The following SKI variants were observed in gnomAD, a reference collection of about 807,000 sequenced individuals.
The protein encoded by SKI is SKI proto-oncogene.
In SKI, 23 loss-of-function variants were observed where a neutral mutation model predicts 59.3. The ratio of observed to expected loss-of-function variants is 0.39; its 90% CI spans 0.28 to 0.55. The LOEUF (loss-of-function observed/expected upper bound fraction) is 0.55, where lower values mean the gene tolerates loss of function less well. Ranked by LOEUF, SKI falls within the 20% of genes least tolerant of loss-of-function variation. The pLI, the probability that SKI is intolerant of heterozygous loss-of-function variation, is 0.67. For synonymous variants in SKI, 673 were observed against 488.6 expected (o/e 1.38, Z -4.98); for missense variants, 1,017 against 1,038.9 (o/e 0.98, Z 0.29).
chr1:2,250,714 C>T (rs1347290742), intron 1 of SKI, among the ~76,000 whole-genome samples: 3 of 152,256 alleles, frequency 2.0e-5, no homozygotes, highest in Non-Finnish European at 2.9e-5. Context: ...GTCTGGGAAG[C>T]TGGCTCCCCT....
Position 2,308,603 on chromosome 1 carries a change from TG to T in SKI, c.*1839del, listed in dbSNP as rs1402950708. On this transcript the variant is annotated 3_prime_UTR_variant, in exon 7 of 7. Transcript: ENST00000378536. ...GTTTTTAGCCTTGTTTTACCAGAGT[TG>T]TTTTTTTTTTCAGTTATTTCTTCAA... is the stretch of plus-strand genomic sequence containing the variant. 5 of 152,106 alleles carry T rather than the reference TG, an allele frequency of 3.3e-5. No individual in the cohort carries two copies. The highest frequency in any genetic ancestry group is 1.2e-4 in the African/African-American group (5 of 41,514). 9.4% of individuals were successfully genotyped at this position (152,106 alleles called of 1,614,324 possible). A position where few individuals can be genotyped will look rare whatever the true frequency, so the allele number is the denominator to read the frequency against.
rs1446861936 is a variant in SKI, at chr1:2,304,504, C to T, written c.1686C>T (p.Phe562=). 1.3e-6 allele frequency: 2 copies of T among 1,581,908 alleles called. No individual in the cohort carries two copies. The highest frequency in any genetic ancestry group is 2.3e-5 in the South Asian group (2 of 86,466). The change falls in exon 5 of 7, where the codon TTC becomes TTT. Residue 562 remains phenylalanine, a synonymous_variant. Coordinates refer to ENST00000378536, the MANE Select transcript of SKI (RefSeq NM_003036.4). ...GLDTKEAKEK[F]LHEVVKMRVK... The stretch of plus-strand genomic sequence containing the variant: ...ACACCAAGGAAGCCAAAGAGAAGTT[C>T]CTGCATGAGGTGGTCAAGATGCGCG...
chr1:2,284,147 A>C (rs989739581), intron 1 of SKI, among the ~76,000 whole-genome samples: 3 of 152,092 alleles, frequency 2.0e-5, no homozygotes, highest in Non-Finnish European at 2.9e-5. Context: ...CTTGGGTGTC[A>C]CAGCTGCATC....
intron 1 of SKI, among the ~76,000 whole-genome samples, chr1:2,264,979 T>G (rs1345904961): frequency 2.0e-5 from 3 of 151,912 alleles, no homozygotes; most frequent in African/African-American, 4.8e-5. Context: ...CCTGGCTAAT[T>G]TTTTGTATTT....
At position 2,228,391 on chromosome 1, in the gene SKI, C is replaced by T. The variant is rs1374035598; in HGVS notation, c.-376C>T. Among the ~76,000 whole-genome samples the T allele has an allele frequency of 7.0e-6, 1 of 142,100 alleles. No individual in the cohort carries two copies. The highest frequency in any genetic ancestry group is 2.5e-5 in the African/African-American group (1 of 39,630). 93.2% of individuals were successfully genotyped at this position (142,100 alleles called of 152,430 possible). On this transcript the variant is annotated 5_prime_UTR_variant, in exon 1 of 7. Transcript: ENST00000378536. The stretch of plus-strand genomic sequence containing the variant: ...CGCGGCGCCGGCACCTGCCCGCGCG[C>T]CCCCCGCGAGCCCCGGGCCCGCGAG...
At position 2,283,842 on chromosome 1, in the gene SKI, C is replaced by T. The variant is rs532987195; in HGVS notation, c.970-19136C>T. ...GTCGGTTTTCATGGCGAGAAAACAT[C>T]GTGGGCGTCTGCTGGGGCTGGAGGA... On this transcript the variant is annotated intron_variant, in intron 1 of 6. Transcript: ENST00000378536. 5.3e-5 allele frequency among the ~76,000 whole-genome samples: 8 copies of T among 152,326 alleles called. No homozygotes were observed. In the East Asian group the frequency reaches 5.8e-4, roughly 11 times the overall value.
intron 1 of SKI, among the ~76,000 whole-genome samples, chr1:2,256,209 G>T (rs1254238084): frequency 1.3e-5 from 2 of 150,398 alleles, no homozygotes; most frequent in Non-Finnish European, 1.5e-5. Flanking sequence ...TTCCTGTCTG[G>T]AGCACTCTGT....
chr1:2,263,840 C>G (rs1394765419), intron 1 of SKI, among the ~76,000 whole-genome samples: 3 of 142,606 alleles, frequency 2.1e-5, no homozygotes, highest in African/African-American at 8.0e-5. Flanking sequence ...GCACTTCAGC[C>G]TGGGCGACAA....
At chr1:2,296,225 CA>C (rs1175023024) in intron 1 of SKI, among the ~76,000 whole-genome samples, 335 of 124,898 alleles carry the variant, frequency 2.7e-3, no homozygotes, top group African/African-American at 7.4e-3. Flanking sequence ...GGAAAAAAAA[CA>C]AAAAAAAAAA....
chr1:2,260,666 G>C (rs544224311), intron 1 of SKI, among the ~76,000 whole-genome samples: 1 of 148,368 alleles, frequency 6.7e-6, no homozygotes, highest in South Asian at 2.1e-4. Flanking sequence ...TCAGCCTCCT[G>C]GCTAGCTGAG....
intron 1 of SKI, among the ~76,000 whole-genome samples, chr1:2,283,137 G>A (rs187966505): frequency 3.9e-5 from 6 of 152,318 alleles, no homozygotes; most frequent in East Asian, 3.9e-4. Flanking sequence ...CGCCTTTGTC[G>A]GGGATCCTGA....
At chr1:2,282,180 T>C (rs1162572959) in intron 1 of SKI, among the ~76,000 whole-genome samples, 3 of 16,498 alleles carry the variant, frequency 1.8e-4, no homozygotes, top group African/African-American at 4.5e-4. Flanking sequence ...AGACAGGCGG[T>C]GGCGGAGATC....
At position 2,301,419 on chromosome 1, in the gene SKI, G is replaced by A. The variant is rs534674990; in HGVS notation, c.970-1559G>A. ...CCTGCGTCCCCGGCCCTGTGCGCCC[G>A]AGCACTTATCTTTCTCCCTTGGGCC... On this transcript the variant is annotated intron_variant, in intron 1 of 6. Coordinates refer to ENST00000378536, the MANE Select transcript of SKI (RefSeq NM_003036.4). Among the ~76,000 whole-genome samples, 4 of 148,942 alleles carry A rather than the reference G, an allele frequency of 2.7e-5. No homozygotes were observed. The East Asian group carries it at 8.0e-4, about 30-fold the overall frequency.
chr1:2,297,040 C>T (rs536068585), intron 1 of SKI, among the ~76,000 whole-genome samples: 12 of 152,044 alleles, frequency 7.9e-5, no homozygotes, highest in African/African-American at 1.9e-4. Context: ...GCCAGGCACC[C>T]GCACAGGCTC....
intron 5 of SKI, among the ~76,000 whole-genome samples, chr1:2,305,526 T>C (rs1640549388): frequency 6.6e-6 from 1 of 152,096 alleles, no homozygotes; most frequent in African/African-American, 2.4e-5. Context: ...TACATATTCA[T>C]GTGGTGTGTT....
chr1:2,239,560 A>G (rs953921971), intron 1 of SKI, among the ~76,000 whole-genome samples: 1 of 152,248 alleles, frequency 6.6e-6, no homozygotes, highest in Non-Finnish European at 1.5e-5. Flanking sequence ...GAATGGAGTC[A>G]GGAAGGGTTT....
At position 2,306,731 on chromosome 1, in the gene SKI, C is replaced by T. The variant is rs863223721; in HGVS notation, c.2153C>T (p.Ala718Val). Residue 718 changes from alanine (A) to valine (V), a missense_variant, in exon 7 of 7, where the codon GCG becomes GTG. Coordinates refer to ENST00000378536, the MANE Select transcript of SKI (RefSeq NM_003036.4). ...QLWPRARPEAAGSEGAAELEP is the reference protein window; with the variant it reads ...QLWPRARPEAVGSEGAAELEP ...TGGCCGCGGGCCCGCCCCGAGGCTG[C>T]GGGCAGCGAGGGCGCTGCGGAGCTG... is the stretch of plus-strand genomic sequence containing the variant. 2.6e-6 allele frequency: 4 copies of T among 1,530,870 alleles called. No individual in the cohort carries two copies. Among genetic ancestry groups the T allele is most frequent in the Admixed American group, 4.0e-5 (2 of 49,906 alleles). The allele number at this position is 1,530,870 out of a possible 1,614,324, so 94.8% of individuals were successfully genotyped here. A position where few individuals can be genotyped will look rare whatever the true frequency, so the allele number is the denominator to read the frequency against.
At chr1:2,291,156 G>C (rs1198784936) in intron 1 of SKI, among the ~76,000 whole-genome samples, 3 of 151,388 alleles carry the variant, frequency 2.0e-5, no homozygotes, top group Non-Finnish European at 2.9e-5. Context: ...CCAGCTTGCT[G>C]TTCTTGGGAG....
At position 2,229,664 on chromosome 1, in the gene SKI, C is replaced by T. The variant is rs1569660908; in HGVS notation, c.898C>T (p.Leu300Phe). The T allele has an allele frequency of 1.6e-5, 26 of 1,610,320 alleles. No homozygotes were observed. The highest frequency in any genetic ancestry group is 2.1e-5 in the Non-Finnish European group (25 of 1,178,954). ...CACGGGCAAGGAGGAGCAGGCGCGC[C>T]TCGGCCGCTGCCTGGACGACGTGAA... ...DYTGKEEQAR[L>F]GRCLDDVKEK... is the part of the protein sequence containing the mutation. The change falls in exon 1 of 7, where the codon CTC (leucine) becomes TTC (phenylalanine). Residue 300 changes from leucine (L) to phenylalanine (F), a missense_variant. Leu to Phe is a conservative substitution (Grantham distance 22). Coordinates refer to ENST00000378536, the MANE Select transcript of SKI (RefSeq NM_003036.4). The surrounding 1 kb of genome is among the most constrained non-coding windows in gnomAD (Gnocchi z 6.3).
Sources: allele counts gnomAD v4.1 joint callset (sites outside exome capture counted in the v4.1 genomes callset), GRCh38; gene constraint gnomAD v4.1.1; non-coding constraint Gnocchi (gnomAD v3.1); transcripts MANE v1.5; gene names NCBI Gene and HGNC (gene_info 2026-07-23, HGNC 2026-07-21).